PLPP4: variants seen among roughly 807,000 people sequenced by gnomAD.
PLPP4 encodes the protein diacylglycerol pyrophosphate like 2.
PLPP4 carries 20 observed loss-of-function variants against 32.2 expected under a neutral mutation model. The observed-to-expected ratio is 0.62, with a 90% CI of 0.44 to 0.90. The LOEUF is 0.90. PLPP4 is among the 40% of genes least tolerant of loss of function. The probability of loss-of-function intolerance (pLI) is 0.00; values close to 1 mark genes in which losing one functional copy is unlikely to be tolerated. For missense variants in PLPP4, 257 were observed against 353.1 expected, an observed-to-expected ratio of 0.73 and a Z score of 2.18; for synonymous variants, 127 against 133.0, an observed-to-expected ratio of 0.95 and a Z score of 0.31.
intron 5 of PLPP4, among the ~76,000 whole-genome samples, chr10:120,569,347 T>A (rs1848827302): frequency 6.6e-6 from 1 of 152,162 alleles, no homozygotes; most frequent in Non-Finnish European, 1.5e-5. Flanking sequence ...ACAGCCACCT[T>A]CCTCCCGCTA....
At chr10:120,585,549 C>T (rs1336314667) in intron 6 of PLPP4, among the ~76,000 whole-genome samples, 1 of 152,190 alleles carries the variant, frequency 6.6e-6, no homozygotes, top group Non-Finnish European at 1.5e-5. Context: ...CCTATTTTGG[C>T]ATGCTCCATG....
chr10:120,580,642 T>TACAC (rs59076083), intron 6 of PLPP4, among the ~76,000 whole-genome samples: 18,197 of 95,474 alleles, frequency 0.19, 1,575 homozygotes, highest in East Asian at 0.33. Flanking sequence ...CTCTGTCTCT[T>TACAC]ACACACACAC....
rs138188172 is a variant in PLPP4 at position 120,487,890 on chromosome 10, A to G, written c.57-15928A>G. Among the ~76,000 whole-genome samples the G allele has an allele frequency of 7.6e-3, 1,155 of 152,310 alleles. 8 individuals carry two copies. The highest frequency in any genetic ancestry group is 0.012 in the Non-Finnish European group (810 of 68,020). ...CTTCCAGAGTTGGTGGCTACTTTTT[A>G]CCTGGTCCTTGACTGTTTCCCATGC... On this transcript the variant is annotated intron_variant, in intron 1 of 6. Coordinates refer to ENST00000398250, the MANE Select transcript of PLPP4 (RefSeq NM_001030059.3).
At chr10:120,478,561 A>T (rs989054640) in intron 1 of PLPP4, among the ~76,000 whole-genome samples, 4 of 152,202 alleles carry the variant, frequency 2.6e-5, no homozygotes. Context: ...TGATCCTACT[A>T]CCCAGAGAAA....
intron 5 of PLPP4, among the ~76,000 whole-genome samples, chr10:120,531,324 T>A (rs1319258537): frequency 6.6e-6 from 1 of 152,068 alleles, no homozygotes; most frequent in Non-Finnish European, 1.5e-5. Flanking sequence ...CAGGATAGTC[T>A]CGATCTCTTG....
At chr10:120,545,259 G>C (rs1388829473) in intron 5 of PLPP4, among the ~76,000 whole-genome samples, 1 of 152,138 alleles carries the variant, frequency 6.6e-6, no homozygotes, top group Non-Finnish European at 1.5e-5. Flanking sequence ...GAGGCCCAAG[G>C]CTTCCTCTTT....
chr10:120,582,402 G>A (rs962457255), intron 6 of PLPP4, among the ~76,000 whole-genome samples: 1 of 152,024 alleles, frequency 6.6e-6, no homozygotes, highest in Non-Finnish European at 1.5e-5. Flanking sequence ...CCCTCTTTGG[G>A]TGTCTGTCTC....
In PLPP4 at chr10:120,486,778, T is replaced by A. The variant is rs147933082; in HGVS notation, c.57-17040T>A. On this transcript the variant is annotated intron_variant, in intron 1 of 6. Coordinates refer to ENST00000398250, the MANE Select transcript of PLPP4 (RefSeq NM_001030059.3). ...CAGGCACAAGTCCTCTCTTGGGGAC[T>A]GGTAACAGTGAGCTTCCAAGGGAAT... is the stretch of plus-strand genomic sequence containing the variant. Among the ~76,000 whole-genome samples the A allele has an allele frequency of 7.2e-5, 11 of 152,346 alleles. No homozygotes were observed. In the East Asian group the frequency reaches 1.9e-3, roughly 27 times the overall value.
intron 1 of PLPP4, among the ~76,000 whole-genome samples, chr10:120,486,890 C>T (rs545128046): frequency 2.6e-5 from 4 of 152,314 alleles, no homozygotes; most frequent in African/African-American, 4.8e-5. Flanking sequence ...TCAGCCCACC[C>T]GGGCTGCCTC....
intron 1 of PLPP4, among the ~76,000 whole-genome samples, chr10:120,470,349 C>G (rs1848463495): frequency 6.6e-6 from 1 of 152,134 alleles, no homozygotes; most frequent in Admixed American, 6.5e-5. Context: ...CTAATCTTCT[C>G]TTTCATGTAT....
chr10:120,483,629 C>T (rs185216953), intron 1 of PLPP4, among the ~76,000 whole-genome samples: 7 of 152,228 alleles, frequency 4.6e-5, no homozygotes, highest in African/African-American at 9.6e-5. Context: ...ATTTGATCAC[C>T]GATGTTGGAG....
At chr10:120,529,757 G>T (rs908794096) in intron 5 of PLPP4, among the ~76,000 whole-genome samples, 2 of 152,022 alleles carry the variant, frequency 1.3e-5, no homozygotes, top group Non-Finnish European at 2.9e-5. Flanking sequence ...ACAAGGGTTT[G>T]TAAAAAAGAA....
intron 1 of PLPP4, among the ~76,000 whole-genome samples, chr10:120,475,259 CT>C (rs145855340): frequency 0.042 from 6,111 of 146,930 alleles, 189 homozygotes; most frequent in South Asian, 0.11. Flanking sequence ...GAAGATTTTT[CT>C]TTTTTTCCCT....
intron 5 of PLPP4, among the ~76,000 whole-genome samples, chr10:120,570,543 C>T (rs936418556): frequency 1.3e-5 from 2 of 152,138 alleles, no homozygotes; most frequent in African/African-American, 4.8e-5. Context: ...ATTCTTATCT[C>T]ATTTGTTTTT....
At chr10:120,489,966 G>A (rs969335717) in intron 1 of PLPP4, among the ~76,000 whole-genome samples, 5 of 152,184 alleles carry the variant, frequency 3.3e-5, no homozygotes, top group African/African-American at 1.2e-4. Flanking sequence ...TGGGGATACA[G>A]CTCAGACCAC....
intron 6 of PLPP4, chr10:120,587,533 T>C (rs1286978720): frequency 3.9e-5 from 6 of 152,234 alleles, no homozygotes; most frequent in Admixed American, 3.9e-4. Context: ...CTATTCATTA[T>C]AGAACTTTTC....
At chr10:120,548,188 A>G (rs554130414) in intron 5 of PLPP4, among the ~76,000 whole-genome samples, 12 of 152,234 alleles carry the variant, frequency 7.9e-5, no homozygotes, top group African/African-American at 2.9e-4. Context: ...GGTAATAAGC[A>G]TAGTACTCAA....
chr10:120,581,071 A>G, intron 6 of PLPP4: 2 of 1,279,422 alleles, frequency 1.6e-6, no homozygotes, highest in Non-Finnish European at 2.0e-6. Flanking sequence ...CCTCCGGTCA[A>G]AGTCCACTGC....
Position 120,589,299 on chromosome 10 carries a change from C to G in PLPP4, c.617-4C>G. ...TTTTTCCTGCTCTGCTGTTTCCTGC[C>G]TAGATTCCTTTGTGGGTGGAGTCAT... On this transcript the variant is annotated splice_region_variant and splice_polypyrimidine_tract_variant and intron_variant, in intron 6 of 6. Coordinates refer to ENST00000398250, the MANE Select transcript of PLPP4 (RefSeq NM_001030059.3). 1.2e-6 allele frequency: 2 copies of G among 1,613,976 alleles called. No homozygotes were observed. Among genetic ancestry groups the G allele is most frequent in the African/African-American group, 2.7e-5 (2 of 75,038 alleles).
Sources: allele counts gnomAD v4.1 joint callset (sites outside exome capture counted in the v4.1 genomes callset), GRCh38; gene constraint gnomAD v4.1.1; transcripts MANE v1.5; gene names NCBI Gene and HGNC (gene_info 2026-07-23, HGNC 2026-07-21).